The following SGCZ variants were observed in gnomAD, a reference collection of about 807,000 sequenced individuals.
SGCZ encodes sarcoglycan zeta.
Under a neutral mutation model 41.3 loss-of-function variants are expected in SGCZ, and 40 were observed. The observed-to-expected ratio is 0.97, with a 90% CI of 0.75 to 1.26. SGCZ has a LOEUF of 1.26. SGCZ is among the 50% of genes most tolerant of loss of function. SGCZ has a pLI of 0.00. For synonymous variants in SGCZ, 206 were observed against 137.5 expected, an observed-to-expected ratio of 1.50 and a Z score of -3.49; for missense variants, 552 against 369.8, an observed-to-expected ratio of 1.49 and a Z score of -4.04.
At chr8:14,244,705 T>C (rs1043797995) in intron 3 of SGCZ, among the ~76,000 whole-genome samples, 2 of 152,022 alleles carry the variant, frequency 1.3e-5, no homozygotes, top group Non-Finnish European at 2.9e-5. Flanking sequence ...TTTCACGATA[T>C]TGATTCTTCC....
intron 2 of SGCZ, among the ~76,000 whole-genome samples, chr8:14,401,977 A>G (rs868717482): frequency 0.035 from 5,240 of 150,696 alleles, 299 homozygotes; most frequent in African/African-American, 0.12. Context: ...AATGATTGCC[A>G]TTCTAACTGG....
At chr8:14,139,355 G>A (rs1009493179) in intron 5 of SGCZ, among the ~76,000 whole-genome samples, 1 of 152,012 alleles carries the variant, frequency 6.6e-6, no homozygotes, top group Admixed American at 6.5e-5. Flanking sequence ...GAGCAGAGCT[G>A]AAGGAGATAG....
chr8:14,627,379 G>C (rs1269259739), intron 1 of SGCZ, among the ~76,000 whole-genome samples: 14 of 152,026 alleles, frequency 9.2e-5, no homozygotes, highest in East Asian at 1.9e-4. Flanking sequence ...TAGAATCCAG[G>C]TTGAGAACAT....
chr8:14,729,900 C>T (rs770150820), intron 1 of SGCZ, among the ~76,000 whole-genome samples: 1 of 152,158 alleles, frequency 6.6e-6, no homozygotes, highest in Non-Finnish European at 1.5e-5. Context: ...GCCTGGCCAA[C>T]ATGGTGAAAC....
intron 1 of SGCZ, among the ~76,000 whole-genome samples, chr8:15,107,480 T>G (rs1195921469): frequency 6.6e-6 from 1 of 152,126 alleles, no homozygotes; most frequent in African/African-American, 2.4e-5. Flanking sequence ...AACCTGGCTC[T>G]CTTGCTTCCT....
At chr8:14,096,564 T>C (rs1162907761) in intron 7 of SGCZ, among the ~76,000 whole-genome samples, 1 of 152,164 alleles carries the variant, frequency 6.6e-6, no homozygotes, top group Non-Finnish European at 1.5e-5. Flanking sequence ...CCTAAAATTT[T>C]CTTTTTTTGT....
At chr8:14,431,902 C>G (rs1044952339) in intron 2 of SGCZ, among the ~76,000 whole-genome samples, 1 of 152,060 alleles carries the variant, frequency 6.6e-6, no homozygotes, top group African/African-American at 2.4e-5. Flanking sequence ...AGAAGATACA[C>G]CAATGGCCAA....
intron 1 of SGCZ, among the ~76,000 whole-genome samples, chr8:15,144,431 T>C (rs1016479080): frequency 2.0e-5 from 3 of 152,032 alleles, no homozygotes; most frequent in East Asian, 1.9e-4. Context: ...GGCTCAGAAG[T>C]AGTTCTATAC....
At chr8:14,472,560 GATA>G (rs1206146323) in intron 2 of SGCZ, among the ~76,000 whole-genome samples, 1 of 152,008 alleles carries the variant, frequency 6.6e-6, no homozygotes, top group African/African-American at 2.4e-5. Context: ...CATATACTGG[GATA>G]TCATTACATT....
Position 14,308,149 on chromosome 8 carries a change from A to G in SGCZ, c.336+15954T>C, listed in dbSNP as rs192843430. On this transcript the variant is annotated intron_variant, in intron 3 of 7. Transcript: ENST00000382080. Reference sequence around the variant, plus strand: ...TTATAGGAGACTACTTATTTCTTCAAAGGAGATTTCAATTGCTGGACATAT... The same window carrying G: ...TTATAGGAGACTACTTATTTCTTCAGAGGAGATTTCAATTGCTGGACATAT... Among the ~76,000 whole-genome samples the G allele has an allele frequency of 4.8e-4, 73 of 152,222 alleles. 2 individuals carry two copies. The Middle Eastern group carries it at 0.024, about 50-fold the overall frequency.
intron 1 of SGCZ, among the ~76,000 whole-genome samples, chr8:15,061,559 ATAAAT>A (rs1804934662): frequency 2.0e-5 from 3 of 151,914 alleles, no homozygotes; most frequent in African/African-American, 7.2e-5. Flanking sequence ...AAAATTAAAA[ATAAAT>A]AAATAAAAGG....
chr8:14,258,381 C>A (rs572731426), intron 3 of SGCZ, among the ~76,000 whole-genome samples: 3 of 152,042 alleles, frequency 2.0e-5, no homozygotes, highest in Non-Finnish European at 4.4e-5. Flanking sequence ...CCTGATCTCT[C>A]GGGAATACTC....
Position 14,844,328 on chromosome 8 carries a change from A to G in SGCZ, c.40-289402T>C, listed in dbSNP as rs376059205. On this transcript the variant is annotated intron_variant, in intron 1 of 7. Transcript: ENST00000382080. ...CAACAGTAGATTCTTTTCTTTCCCT[A>G]ATTATTCTCTTGTCCCTTCCCTATG... Among the ~76,000 whole-genome samples the G allele has an allele frequency of 8.5e-5, 13 of 152,170 alleles. No homozygotes were observed. The East Asian group carries it at 2.5e-3, about 29-fold the overall frequency.
At chr8:14,322,257 G>C (rs190829544) in intron 3 of SGCZ, among the ~76,000 whole-genome samples, 96 of 152,184 alleles carry the variant, frequency 6.3e-4, no homozygotes, top group Admixed American at 1.9e-3. Flanking sequence ...CCTAGTTATA[G>C]GGAGACAAAC....
chr8:15,138,697 C>T (rs577410155), intron 1 of SGCZ, among the ~76,000 whole-genome samples: 17 of 152,254 alleles, frequency 1.1e-4, no homozygotes, highest in East Asian at 3.9e-4. Flanking sequence ...TTCCTGAAGC[C>T]GCCTCAGCCA....
intron 2 of SGCZ, among the ~76,000 whole-genome samples, chr8:14,505,599 A>G (rs886645390): frequency 6.6e-6 from 1 of 152,110 alleles, no homozygotes; most frequent in African/African-American, 2.4e-5. Flanking sequence ...CCTAGTTTTT[A>G]TGTTAATGTC....
intron 4 of SGCZ, among the ~76,000 whole-genome samples, chr8:14,188,027 G>A (rs13250239): frequency 0.075 from 11,421 of 152,014 alleles, 604 homozygotes; most frequent in African/African-American, 0.14. Flanking sequence ...GGAAGTAGTA[G>A]GACAGCATAT....
chr8:14,152,573 G>A (rs908189119), intron 5 of SGCZ, among the ~76,000 whole-genome samples: 1 of 152,122 alleles, frequency 6.6e-6, no homozygotes, highest in Non-Finnish European at 1.5e-5. Flanking sequence ...TGAAGAAATT[G>A]AATTCTTGCA....
chr8:14,453,507 T>C (rs369041513), intron 2 of SGCZ, among the ~76,000 whole-genome samples: 13 of 152,138 alleles, frequency 8.5e-5, no homozygotes, highest in Non-Finnish European at 1.0e-4. Flanking sequence ...AACTAAAAGA[T>C]TGACATAAAA....
Sources: gnomAD v4.1 joint callset for allele counts (sites outside exome capture counted in the v4.1 genomes callset) on GRCh38, gnomAD v4.1.1 for gene constraint, MANE v1.5 for transcripts, NCBI Gene and HGNC (gene_info 2026-07-23, HGNC 2026-07-21) for gene names.